Variants in RP1 observed in about 807,000 individuals in gnomAD.
The protein encoded by RP1 is oxygen-regulated protein 1.
Under a neutral mutation model 14.8 loss-of-function variants are expected in RP1, and 16 were observed. The observed-to-expected ratio is 1.08, with a 90% CI of 0.73 to 1.65. RP1 has a LOEUF of 1.65. RP1 is among the 40% of genes most tolerant of loss of function. The pLI is 0.00. For synonymous variants in RP1, 876 were observed against 883.6 expected (o/e 0.99, Z 0.15); for missense variants, 2,631 against 2,535.0 (o/e 1.04, Z -0.81).
intron 7 of RP1, among the ~76,000 whole-genome samples, chr8:54,664,184 T>A (rs1338288811): frequency 6.6e-6 from 1 of 152,200 alleles, no homozygotes; most frequent in African/African-American, 2.4e-5. Context: ...CATAATGTCC[T>A]CAAGATTCAT....
chr8:54,864,404 A>G (rs1812416487), intron 27 of RP1, among the ~76,000 whole-genome samples: 1 of 152,232 alleles, frequency 6.6e-6, no homozygotes. Context: ...CCAAACAGAA[A>G]AAATAAAACA....
rs551328167 is a variant in RP1, at chr8:54,583,064, C to G, written c.-13+23744C>G. On this transcript the variant is annotated intron_variant, in intron 1 of 22. Transcript: ENST00000636932. ...GAATAGGAGTGGTGAGAGAGGGCAT[C>G]CCTGTCTTGTGCCAGTTTTCAAAGG... Among the ~76,000 whole-genome samples, 5 of 152,280 alleles carry G rather than the reference C, an allele frequency of 3.3e-5. No individual in the cohort carries two copies. In the South Asian group the frequency reaches 1.0e-3, roughly 32 times the overall value.
chr8:54,775,452 G>T (rs1810010465), intron 23 of RP1, among the ~76,000 whole-genome samples: 1 of 152,184 alleles, frequency 6.6e-6, no homozygotes, highest in Admixed American at 6.6e-5. Context: ...TCCAGCCACT[G>T]TCCTGTGAGA....
In RP1 at chr8:54,567,888, G is replaced by A. The variant is rs577743954; in HGVS notation, c.-13+8568G>A. On this transcript the variant is annotated intron_variant, in intron 1 of 22. Transcript: ENST00000636932. ...GGATTTGTCTGTAGCCTAATGCTTG[G>A]CACACAGTAGAAGCTTCTCTCAGAT... 2.3e-3 allele frequency among the ~76,000 whole-genome samples: 351 copies of A among 152,278 alleles called. 1 individual carries two copies. Among genetic ancestry groups the A allele is most frequent in the Non-Finnish European group, 3.5e-3 (240 of 68,020 alleles).
chr8:54,795,982 G>A (rs1267929669), intron 24 of RP1, among the ~76,000 whole-genome samples: 1 of 151,990 alleles, frequency 6.6e-6, no homozygotes, highest in Non-Finnish European at 1.5e-5. Flanking sequence ...CTTGCAATTT[G>A]GAATATTATC....
chr8:54,648,985 G>T (rs1345631770), exon 4 of RP1: 5 of 1,499,868 alleles, frequency 3.3e-6, no homozygotes, highest in East Asian at 2.5e-5. Flanking sequence ...TCTTTTATAG[G>T]TAGTAACTGG....
At chr8:54,830,402 G>C (rs1253297936) in intron 24 of RP1, among the ~76,000 whole-genome samples, 1 of 151,406 alleles carries the variant, frequency 6.6e-6, no homozygotes, top group Non-Finnish European at 1.5e-5. Flanking sequence ...ATTTACATTA[G>C]GTATATTTCC....
chr8:54,708,352 G>GTT (rs1563354164), intron 15 of RP1, among the ~76,000 whole-genome samples: 2 of 124,176 alleles, frequency 1.6e-5, no homozygotes, highest in South Asian at 2.6e-4. Context: ...GGTGATTTCT[G>GTT]GTTTTTTTTT....
intron 6 of RP1, among the ~76,000 whole-genome samples, chr8:54,661,920 T>C (rs1362794077): frequency 6.6e-6 from 1 of 152,170 alleles, no homozygotes; most frequent in Non-Finnish European, 1.5e-5. Context: ...AATTTGTTTA[T>C]GATGCTTTTT....
At chr8:54,689,692 CTT>C (rs999664695) in intron 12 of RP1, among the ~76,000 whole-genome samples, 63 of 151,996 alleles carry the variant, frequency 4.1e-4, no homozygotes, top group African/African-American at 1.4e-3. Flanking sequence ...TAAAGGCACA[CTT>C]ATTTAAATTT....
chr8:54,569,857 G>C (rs1483580223), intron 1 of RP1, among the ~76,000 whole-genome samples: 1 of 152,232 alleles, frequency 6.6e-6, no homozygotes, highest in Non-Finnish European at 1.5e-5. Context: ...AAGAAGCCCA[G>C]TCATAGGAGC....
chr8:54,721,736 A>G (rs1808541494), intron 16 of RP1, among the ~76,000 whole-genome samples: 2 of 152,234 alleles, frequency 1.3e-5, no homozygotes, highest in African/African-American at 4.8e-5. Flanking sequence ...TCCTGCTTTA[A>G]CAAGGGCAAG....
chr8:54,794,747 G>T (rs186917509), intron 24 of RP1, among the ~76,000 whole-genome samples: 1 of 151,848 alleles, frequency 6.6e-6, no homozygotes, highest in Non-Finnish European at 1.5e-5. Flanking sequence ...AAACTAAAAC[G>T]TTTCTGCACA....
At chr8:54,671,993 GC>G (rs1807191684) in intron 7 of RP1, among the ~76,000 whole-genome samples, 1 of 152,152 alleles carries the variant, frequency 6.6e-6, no homozygotes, top group South Asian at 2.1e-4. Context: ...GCATTGGTCA[GC>G]CCAGGTGGAG....
chr8:54,624,166 G>A (rs184383394), intron 3 of RP1, among the ~76,000 whole-genome samples: 1 of 152,240 alleles, frequency 6.6e-6, no homozygotes, highest in African/African-American at 2.4e-5. Flanking sequence ...CATAGGCTGA[G>A]CGTGGTGGCT....
chr8:54,753,101 T>C (rs181670631), intron 19 of RP1, among the ~76,000 whole-genome samples: 1 of 152,216 alleles, frequency 6.6e-6, no homozygotes, highest in Non-Finnish European at 1.5e-5. Flanking sequence ...GGTTACATGA[T>C]TTCTCATGGT....
At chr8:54,608,339 G>A (rs2375549) in intron 1 of RP1, among the ~76,000 whole-genome samples, 52,202 of 151,794 alleles carry the variant, frequency 0.34, 9,539 homozygotes, top group Middle Eastern at 0.49. Context: ...TGGAAATCAT[G>A]TATCAACAAA....
chr8:54,760,004 G>A (rs530975898), intron 22 of RP1, among the ~76,000 whole-genome samples: 10 of 152,244 alleles, frequency 6.6e-5, no homozygotes, highest in African/African-American at 2.4e-4. Context: ...CAAGGGTTCG[G>A]ATTTAGCCAA....
At chr8:54,766,994 C>A (rs1809776429) in intron 22 of RP1, among the ~76,000 whole-genome samples, 1 of 152,136 alleles carries the variant, frequency 6.6e-6, no homozygotes, top group Non-Finnish European at 1.5e-5. Context: ...GGGGAATTTT[C>A]TTGTCTTAAT....
Sources: allele counts gnomAD v4.1 joint callset (sites outside exome capture counted in the v4.1 genomes callset), GRCh38; gene constraint gnomAD v4.1.1; transcripts MANE v1.5; gene names NCBI Gene and HGNC (gene_info 2026-07-23, HGNC 2026-07-21).